The following MGAT4C variants were observed in gnomAD, a reference collection of about 807,000 sequenced individuals.
The protein encoded by MGAT4C is alpha-1,3-mannosyl-glycoprotein 4-beta-N-acetylglucosaminyltransferase C.
MGAT4C carries 19 observed loss-of-function variants against 40.1 expected under a neutral mutation model. The ratio of observed to expected loss-of-function variants is 0.47; its 90% CI spans 0.33 to 0.70. The LOEUF (loss-of-function observed/expected upper bound fraction) is 0.70, where lower values mean the gene tolerates loss of function less well. Among genes scored for constraint, MGAT4C ranks in the 30% least tolerant of loss-of-function variants. The pLI is 0.02. For synonymous variants in MGAT4C, 181 were observed against 187.1 expected (o/e 0.97, Z 0.27); for missense variants, 491 against 563.2 (o/e 0.87, Z 1.30).
chr12:85,985,297 C>A (rs543015865), intron 3 of MGAT4C, among the ~76,000 whole-genome samples: 2 of 152,112 alleles, frequency 1.3e-5, no homozygotes, highest in African/African-American at 4.8e-5. Context: ...GCATCAATCT[C>A]GAGTGACAAT....
chr12:86,167,032 T>A (rs1886267296), intron 1 of MGAT4C, among the ~76,000 whole-genome samples: 1 of 152,190 alleles, frequency 6.6e-6, no homozygotes, highest in African/African-American at 2.4e-5. Context: ...ATACTTTAGT[T>A]CTCTCAACAA....
At chr12:86,486,603 T>C (rs1267608836) in intron 2 of MGAT4C, among the ~76,000 whole-genome samples, 1 of 152,126 alleles carries the variant, frequency 6.6e-6, no homozygotes, top group African/African-American at 2.4e-5. Flanking sequence ...CTATGAAAAG[T>C]TTTAGACACC....
intron 2 of MGAT4C, among the ~76,000 whole-genome samples, chr12:86,547,494 G>C (rs770951954): frequency 5.3e-5 from 8 of 151,912 alleles, no homozygotes; most frequent in Non-Finnish European, 8.8e-5. Flanking sequence ...TCTTACCTGT[G>C]CATCTAAAAA....
chr12:86,066,063 CACAA>C (rs1241912739), intron 1 of MGAT4C, among the ~76,000 whole-genome samples: 7 of 152,050 alleles, frequency 4.6e-5, no homozygotes, highest in African/African-American at 1.7e-4. Context: ...TAAGAGATGA[CACAA>C]ACAAATGAAA....
chr12:86,800,911 C>A (rs1445442666), intron 1 of MGAT4C, among the ~76,000 whole-genome samples: 1 of 151,820 alleles, frequency 6.6e-6, no homozygotes, highest in Non-Finnish European at 1.5e-5. Context: ...AGCCAGAATC[C>A]CCATGTTCTA....
At chr12:86,343,108 T>C (rs1023507158) in intron 3 of MGAT4C, among the ~76,000 whole-genome samples, 4 of 152,196 alleles carry the variant, frequency 2.6e-5, no homozygotes, top group African/African-American at 9.6e-5. Flanking sequence ...TAATGGCTTC[T>C]ACCTTTAAAT....
At chr12:86,709,040 CA>C (rs1395659250) in intron 2 of MGAT4C, among the ~76,000 whole-genome samples, 3 of 152,054 alleles carry the variant, frequency 2.0e-5, no homozygotes, top group Non-Finnish European at 2.9e-5. Context: ...TGGGAGGGGC[CA>C]GGGGCAGAAT....
intron 1 of MGAT4C, among the ~76,000 whole-genome samples, chr12:86,221,154 A>T (rs578012932): frequency 6.6e-6 from 1 of 152,314 alleles, no homozygotes; most frequent in Non-Finnish European, 1.5e-5. Context: ...TAAAACAAGT[A>T]GCTTCCTCTT....
intron 2 of MGAT4C, chr12:86,495,194 T>C (rs1958215801): frequency 6.6e-6 from 1 of 152,034 alleles, no homozygotes; most frequent in Non-Finnish European, 1.5e-5. Flanking sequence ...AGAGGATAAA[T>C]AGGCAGCAGA....
Position 86,580,435 on chromosome 12 carries a change from C to T in MGAT4C, c.-228-145170G>A, listed in dbSNP as rs559146383. On this transcript the variant is annotated intron_variant, in intron 2 of 7. Transcript: ENST00000548651. ...ATTATAGTCTGGTTCATAGTAGGTA[C>T]TCAATTAATGGTTGTGGAATATACC... 2.0e-5 allele frequency among the ~76,000 whole-genome samples: 3 copies of T among 151,434 alleles called. No individual in the cohort carries two copies. The East Asian group carries it at 5.8e-4, about 29-fold the overall frequency.
At chr12:86,649,477 A>T (rs1005081222) in intron 2 of MGAT4C, among the ~76,000 whole-genome samples, 53 of 151,876 alleles carry the variant, frequency 3.5e-4, no homozygotes, top group African/African-American at 1.3e-3. Context: ...ATAATTTAAA[A>T]TCTTAATAGA....
At chr12:86,309,916 T>C (rs536467143) in intron 4 of MGAT4C, among the ~76,000 whole-genome samples, 81 of 151,960 alleles carry the variant, frequency 5.3e-4, no homozygotes, top group Admixed American at 1.0e-3. Context: ...TAAAAATAAT[T>C]TATAAAATAG....
intron 2 of MGAT4C, among the ~76,000 whole-genome samples, chr12:86,579,877 T>C (rs780435320): frequency 6.6e-6 from 1 of 151,608 alleles, no homozygotes; most frequent in Non-Finnish European, 1.5e-5. Flanking sequence ...CATTCTTTCC[T>C]GGCCTCTAAG....
At chr12:86,762,070 T>C (rs185450847) in intron 1 of MGAT4C, among the ~76,000 whole-genome samples, 3 of 151,760 alleles carry the variant, frequency 2.0e-5, no homozygotes, top group Admixed American at 1.3e-4. Flanking sequence ...TTTTTTTTCT[T>C]AGACAGGGTC....
Position 85,977,154 on chromosome 12 carries a change from T to A in MGAT4C, c.*2135A>T, listed in dbSNP as rs976813933. 1 of 151,336 alleles carries A rather than the reference T, an allele frequency of 6.6e-6. No individual in the cohort carries two copies. Among genetic ancestry groups the A allele is most frequent in the Non-Finnish European group, 1.5e-5 (1 of 67,446 alleles). The allele number at this position is 151,336 out of a possible 1,614,324, so 9.4% of individuals were successfully genotyped here. On this transcript the variant is annotated 3_prime_UTR_variant, in exon 5 of 5. Transcript: ENST00000611864. ...CCTCAGCAATGTTTCTTGAAACATT[T>A]TTAAGACATTGATAGACACCAATAG...
intron 2 of MGAT4C, among the ~76,000 whole-genome samples, chr12:86,628,518 G>A (rs996150607): frequency 6.6e-6 from 1 of 152,132 alleles, no homozygotes; most frequent in African/African-American, 2.4e-5. Flanking sequence ...TACACACAAA[G>A]GGAAGCCCAT....
At chr12:86,162,916 T>C (rs1885756633) in intron 1 of MGAT4C, among the ~76,000 whole-genome samples, 1 of 152,184 alleles carries the variant, frequency 6.6e-6, no homozygotes, top group Non-Finnish European at 1.5e-5. Flanking sequence ...CCAAACCTTA[T>C]TTCCAAATAC....
intron 2 of MGAT4C, among the ~76,000 whole-genome samples, chr12:86,009,596 C>T (rs1262842619): frequency 6.6e-6 from 1 of 152,174 alleles, no homozygotes; most frequent in Non-Finnish European, 1.5e-5. Flanking sequence ...CCCATCCCCC[C>T]AATCAGGAAT....
At chr12:86,694,163 T>G (rs1950216840) in intron 2 of MGAT4C, among the ~76,000 whole-genome samples, 1 of 152,146 alleles carries the variant, frequency 6.6e-6, no homozygotes, top group Admixed American at 6.5e-5. Flanking sequence ...CAGCTCTTTC[T>G]TAGTGAATCT....
Sources: allele counts gnomAD v4.1 joint callset (sites outside exome capture counted in the v4.1 genomes callset), GRCh38; gene constraint gnomAD v4.1.1; transcripts MANE v1.5; gene names NCBI Gene and HGNC (gene_info 2026-07-23, HGNC 2026-07-21).